Variants in TENM2 observed in about 807,000 individuals in gnomAD.
TENM2 encodes the protein teneurin transmembrane protein 2.
Under a neutral mutation model 245.2 loss-of-function variants are expected in TENM2, and 52 were observed. The observed-to-expected ratio is 0.21, with a 90% CI of 0.17 to 0.27. The LOEUF (loss-of-function observed/expected upper bound fraction) is 0.27, where lower values mean the gene tolerates loss of function less well. Ranked by LOEUF, TENM2 falls within the 10% of genes least tolerant of loss-of-function variation. The pLI is 1.00. For missense variants in TENM2, 3,046 were observed against 3,666.8 expected (o/e 0.83, Z 4.37); for synonymous variants, 1,363 against 1,438.9 (o/e 0.95, Z 1.19).
chr5:167,720,245 G>A (rs576135152), intron 2 of TENM2, among the ~76,000 whole-genome samples: 39 of 152,100 alleles, frequency 2.6e-4, no homozygotes, highest in African/African-American at 9.4e-4. Flanking sequence ...ACTTGAAAAA[G>A]AGTAGACATA....
At chr5:168,087,691 G>A (rs1792579229) in intron 7 of TENM2, among the ~76,000 whole-genome samples, 1 of 151,946 alleles carries the variant, frequency 6.6e-6, no homozygotes, top group African/African-American at 2.4e-5. Flanking sequence ...TAGTTCTGAA[G>A]TCCTTACTCT....
At chr5:167,039,760 A>C in the TENM2 span, among the ~76,000 whole-genome samples, 3 of 152,128 alleles carry the variant, frequency 2.0e-5, no homozygotes, top group East Asian at 5.8e-4. Flanking sequence ...AACTATAACT[A>C]AAATAACTAA....
chr5:167,812,292 C>T (rs766813360), intron 2 of TENM2, among the ~76,000 whole-genome samples: 2 of 152,058 alleles, frequency 1.3e-5, no homozygotes, highest in South Asian at 2.1e-4. Flanking sequence ...GGCTGAGGTT[C>T]AGATTTCCAT....
intron 3 of TENM2, among the ~76,000 whole-genome samples, chr5:167,887,918 C>G (rs776217620): frequency 2.6e-5 from 4 of 152,166 alleles, no homozygotes; most frequent in Non-Finnish European, 5.9e-5. Flanking sequence ...TGCCAGCAAC[C>G]CTTAGCATTC....
At chr5:168,251,859 A>C (rs528850394) in intron 27 of TENM2, among the ~76,000 whole-genome samples, 1 of 152,356 alleles carries the variant, frequency 6.6e-6, no homozygotes, top group South Asian at 2.1e-4. Context: ...TCTGCCCAAG[A>C]ATGTGAGGAC....
At chr5:167,754,808 T>A in intron 2 of TENM2, 1 of 386,908 alleles carries the variant, frequency 2.6e-6, no homozygotes, top group Non-Finnish European at 4.6e-6. Context: ...GGGCAGGACT[T>A]GCGGTTGGCA....
chr5:167,412,589 T>C (rs1762965207), intron 2 of TENM2, among the ~76,000 whole-genome samples: 1 of 152,106 alleles, frequency 6.6e-6, no homozygotes, highest in African/African-American at 2.4e-5. Flanking sequence ...AAAGAAATTA[T>C]GGAATGCTTT....
chr5:167,151,353 A>G, the TENM2 span, among the ~76,000 whole-genome samples: 4 of 152,194 alleles, frequency 2.6e-5, no homozygotes, highest in Non-Finnish European at 5.9e-5. Flanking sequence ...CTAGCTGGCC[A>G]TGGAGTGCTC....
chr5:167,076,904 G>C, the TENM2 span, among the ~76,000 whole-genome samples: 22 of 152,040 alleles, frequency 1.4e-4, no homozygotes, highest in Middle Eastern at 3.4e-3. Context: ...GCAGTGGTGC[G>C]ACCTTGGCTC....
chr5:167,246,778 G>T, the TENM2 span, among the ~76,000 whole-genome samples: 18 of 151,944 alleles, frequency 1.2e-4, no homozygotes, highest in East Asian at 3.1e-3. Context: ...TTGGCGCGGG[G>T]TGTGGATGGG....
intron 9 of TENM2, among the ~76,000 whole-genome samples, chr5:168,117,750 T>G (rs1204545110): frequency 6.6e-6 from 1 of 152,210 alleles, no homozygotes. Context: ...CCACTTCCTT[T>G]TTAATAGGCA....
At chr5:167,875,297 G>A (rs969046114) in intron 2 of TENM2, among the ~76,000 whole-genome samples, 1 of 151,996 alleles carries the variant, frequency 6.6e-6, no homozygotes, top group Non-Finnish European at 1.5e-5. Context: ...GCATGGAGGG[G>A]ACAGGAAGTG....
chr5:167,989,298 G>GAGAGAGAGAGAA (rs772430462), intron 4 of TENM2, among the ~76,000 whole-genome samples: 1 of 147,656 alleles, frequency 6.8e-6, no homozygotes, highest in African/African-American at 2.5e-5. Flanking sequence ...GAGAGAGAGA[G>GAGAGAGAGAGAA]AGATAGATAG....
chr5:167,090,840 C>G, the TENM2 span, among the ~76,000 whole-genome samples: 1 of 152,076 alleles, frequency 6.6e-6, no homozygotes, highest in East Asian at 1.9e-4. Context: ...TAAAATTGCA[C>G]TAGATTCTAA....
At chr5:167,264,485 A>G in the TENM2 span, among the ~76,000 whole-genome samples, 1 of 152,324 alleles carries the variant, frequency 6.6e-6, no homozygotes, top group South Asian at 2.1e-4. Flanking sequence ...ATAGTTGAGC[A>G]GCGTGTGTTT....
At chr5:167,347,050 T>C (rs1430143475) in intron 1 of TENM2, among the ~76,000 whole-genome samples, 2 of 151,902 alleles carry the variant, frequency 1.3e-5, no homozygotes, top group Non-Finnish European at 2.9e-5. Flanking sequence ...CTGTGATTAT[T>C]TGCATGAGCC....
chr5:167,319,408 C>G (rs1240876827), intron 1 of TENM2, among the ~76,000 whole-genome samples: 2 of 152,018 alleles, frequency 1.3e-5, no homozygotes, highest in African/African-American at 2.4e-5. Context: ...CAAGTTGTCT[C>G]GCATTTAGAA....
At chr5:167,218,464 A>C in the TENM2 span, among the ~76,000 whole-genome samples, 122 of 152,240 alleles carry the variant, frequency 8.0e-4, no homozygotes, top group African/African-American at 2.7e-3. Flanking sequence ...GCTTTCTCCA[A>C]ACATTGTATT....
chr5:167,245,478 G>T, the TENM2 span, among the ~76,000 whole-genome samples: 1 of 150,766 alleles, frequency 6.6e-6, no homozygotes, highest in Non-Finnish European at 1.5e-5. Flanking sequence ...TATTTCAAAT[G>T]TGCATATATG....
Sources: gnomAD v4.1 joint callset for allele counts (sites outside exome capture counted in the v4.1 genomes callset) on GRCh38, gnomAD v4.1.1 for gene constraint, MANE v1.5 for transcripts, NCBI Gene and HGNC (gene_info 2026-07-23, HGNC 2026-07-21) for gene names.